GNAL: variants seen among roughly 807,000 people sequenced by gnomAD.
GNAL encodes the protein guanine nucleotide-binding protein G(olf) subunit alpha.
In GNAL, 18 loss-of-function variants were observed where a neutral mutation model predicts 55.1. The observed-to-expected ratio is 0.33, with a 90% CI of 0.23 to 0.48. The LOEUF (loss-of-function observed/expected upper bound fraction) is 0.48, where lower values mean the gene tolerates loss of function less well. Among genes scored for constraint, GNAL ranks in the 20% least tolerant of loss-of-function variants. GNAL has a pLI of 0.99. For missense variants in GNAL, 412 were observed against 614.1 expected, an observed-to-expected ratio of 0.67 and a Z score of 3.48; for synonymous variants, 253 against 237.0, an observed-to-expected ratio of 1.07 and a Z score of -0.62.
At chr18:11,801,496 G>C (rs538526817) in intron 4 of GNAL, among the ~76,000 whole-genome samples, 1 of 152,240 alleles carries the variant, frequency 6.6e-6, no homozygotes, top group Non-Finnish European at 1.5e-5. Context: ...GACCTTACAG[G>C]TCATTGTAGG....
At chr18:11,719,224 C>T (rs1196970253) in intron 1 of GNAL, among the ~76,000 whole-genome samples, 1 of 151,944 alleles carries the variant, frequency 6.6e-6, no homozygotes, top group African/African-American at 2.4e-5. Flanking sequence ...AATGTATCCT[C>T]ACAATTTAAA....
intron 5 of GNAL, among the ~76,000 whole-genome samples, chr18:11,847,239 C>T (rs1324120541): frequency 2.0e-5 from 3 of 151,986 alleles, no homozygotes; most frequent in Non-Finnish European, 4.4e-5. Flanking sequence ...AAGCCTGCTG[C>T]TCAGCAAACA....
chr18:11,816,853 G>A (rs1275828989), intron 4 of GNAL, among the ~76,000 whole-genome samples: 1 of 150,472 alleles, frequency 6.6e-6, no homozygotes, highest in Admixed American at 6.6e-5. Context: ...GTTAATGTAC[G>A]TAACAAAATG....
At chr18:11,846,362 T>A (rs969588355) in intron 5 of GNAL, among the ~76,000 whole-genome samples, 1 of 150,992 alleles carries the variant, frequency 6.6e-6, no homozygotes, top group Non-Finnish European at 1.5e-5. Context: ...CTGTTCTATT[T>A]CTTTCTCTTT....
At chr18:11,861,493 A>G (rs535195116) in intron 5 of GNAL, among the ~76,000 whole-genome samples, 1 of 152,360 alleles carries the variant, frequency 6.6e-6, no homozygotes, top group South Asian at 2.1e-4. Flanking sequence ...CCAGGTGGAC[A>G]AGACAGAGAC....
At chr18:11,841,442 TCAAGAC>T (rs1049250473) in intron 5 of GNAL, among the ~76,000 whole-genome samples, 1 of 151,764 alleles carries the variant, frequency 6.6e-6, no homozygotes, top group African/African-American at 2.4e-5. Flanking sequence ...GGTCAGGAGT[TCAAGAC>T]CAGCCTGGCC....
intron 4 of GNAL, among the ~76,000 whole-genome samples, chr18:11,792,838 A>G (rs562069595): frequency 2.0e-5 from 3 of 152,246 alleles, no homozygotes; most frequent in Non-Finnish European, 4.4e-5. Context: ...TGGTGATGCA[A>G]CTTCCATATG....
At chr18:11,872,067 G>A (rs2036410352) in intron 9 of GNAL, among the ~76,000 whole-genome samples, 1 of 152,162 alleles carries the variant, frequency 6.6e-6, no homozygotes, top group East Asian at 1.9e-4. Flanking sequence ...TGTGTTTTTG[G>A]ATTAGGGATG....
chr18:11,841,265 T>G (rs1383740360), intron 5 of GNAL, among the ~76,000 whole-genome samples: 1 of 152,172 alleles, frequency 6.6e-6, no homozygotes, highest in African/African-American at 2.4e-5. Context: ...TGAAGTATTG[T>G]TTTTCAGATG....
At chr18:11,692,964 G>A (rs775289792) in intron 1 of GNAL, among the ~76,000 whole-genome samples, 5 of 151,896 alleles carry the variant, frequency 3.3e-5, no homozygotes, top group Non-Finnish European at 5.9e-5. Flanking sequence ...ACATTAATTG[G>A]AAATTACTTC....
At chr18:11,845,279 A>G (rs2035706469) in intron 5 of GNAL, among the ~76,000 whole-genome samples, 1 of 152,184 alleles carries the variant, frequency 6.6e-6, no homozygotes, top group Admixed American at 6.6e-5. Flanking sequence ...GTATTACGCC[A>G]GACGCAATCC....
intron 4 of GNAL, among the ~76,000 whole-genome samples, chr18:11,807,822 G>A (rs2034704973): frequency 6.6e-6 from 1 of 152,174 alleles, no homozygotes; most frequent in Non-Finnish European, 1.5e-5. Context: ...AAGAGAGGGA[G>A]CCAGCAGTGA....
At position 11,727,011 on chromosome 18, in the gene GNAL, C is replaced by G. The variant is rs114156702; in HGVS notation, c.377-25842C>G. On this transcript the variant is annotated intron_variant, in intron 1 of 11. Coordinates refer to ENST00000334049, the MANE Select transcript of GNAL (RefSeq NM_182978.4). The stretch of plus-strand genomic sequence containing the variant: ...TTCTTTAGTGACACCAGGAACCAGG[C>G]TGCTTGGGGTCCTCAGTAGCAGCCT... 1.8e-3 allele frequency among the ~76,000 whole-genome samples: 278 copies of G among 152,112 alleles called. 2 individuals are homozygous for G. The highest frequency in any genetic ancestry group is 6.6e-3 in the African/African-American group (272 of 41,492).
At position 11,881,256 on chromosome 18, in the gene GNAL, G is replaced by C; in HGVS notation, c.*121G>C. The stretch of plus-strand genomic sequence containing the variant: ...GCTGCCGTCTGTCCCGTTCTGTGTC[G>C]ACCACCAAGCCTCTGGCTACCTCTG... On this transcript the variant is annotated 3_prime_UTR_variant, in exon 12 of 12. Transcript: ENST00000334049. This position sits in a 1 kb window ranked among gnomAD's most constrained non-coding sequence, Gnocchi z 4.8. The C allele has an allele frequency of 9.9e-7, 1 of 1,015,138 alleles. No individual in the cohort carries two copies. Among genetic ancestry groups the C allele is most frequent in the Non-Finnish European group, 1.4e-6 (1 of 710,836 alleles). 62.9% of individuals were successfully genotyped at this position (1,015,138 alleles called of 1,614,324 possible). A position where few individuals can be genotyped will look rare whatever the true frequency, so the allele number is the denominator to read the frequency against.
At chr18:11,738,962 G>A (rs904757469) in intron 1 of GNAL, among the ~76,000 whole-genome samples, 3 of 152,170 alleles carry the variant, frequency 2.0e-5, no homozygotes, top group Non-Finnish European at 2.9e-5. Flanking sequence ...GCCGCCCGAC[G>A]TCATAACATC....
intron 1 of GNAL, among the ~76,000 whole-genome samples, chr18:11,731,970 T>C (rs752944290): frequency 1.3e-5 from 2 of 152,238 alleles, no homozygotes; most frequent in Non-Finnish European, 2.9e-5. Context: ...CTAGCTTCTT[T>C]TTCTTAGCAT....
At chr18:11,853,076 T>G (rs1179833127) in intron 5 of GNAL, 3 of 167,142 alleles carry the variant, frequency 1.8e-5, no homozygotes, top group African/African-American at 7.2e-5. Flanking sequence ...GTGTAGGTTT[T>G]GTTTTGATTT....
At chr18:11,829,688 G>C (rs1434698103) in intron 5 of GNAL, among the ~76,000 whole-genome samples, 1 of 152,122 alleles carries the variant, frequency 6.6e-6, no homozygotes, top group African/African-American at 2.4e-5. Context: ...TAAATGCCCA[G>C]CTCCTAGGTG....
intron 4 of GNAL, among the ~76,000 whole-genome samples, chr18:11,790,545 A>G (rs965761171): frequency 1.3e-5 from 2 of 152,206 alleles, no homozygotes; most frequent in African/African-American, 4.8e-5. Context: ...GCCAAGGTGG[A>G]AATCAGTGTT....
Sources: gnomAD v4.1 joint callset for allele counts (sites outside exome capture counted in the v4.1 genomes callset) on GRCh38, gnomAD v4.1.1 for gene constraint, Gnocchi (gnomAD v3.1) non-coding constraint, MANE v1.5 for transcripts, NCBI Gene and HGNC (gene_info 2026-07-23, HGNC 2026-07-21) for gene names.